Variants in CCDC15 observed in about 807,000 individuals in gnomAD.
The protein encoded by CCDC15 is coiled-coil domain-containing protein 15.
A neutral mutation model predicts 114.5 loss-of-function variants in CCDC15; 105 were observed. That is an observed-to-expected ratio of 0.92 (90% CI 0.78 to 1.08). The LOEUF is 1.08. CCDC15 is among the 50% of genes least tolerant of loss of function. CCDC15 has a pLI of 0.00. For missense variants in CCDC15, 1,105 were observed against 1,093.6 expected, an observed-to-expected ratio of 1.01 and a Z score of -0.15; for synonymous variants, 334 against 377.8, an observed-to-expected ratio of 0.88 and a Z score of 1.34.
intron 13 of CCDC15, among the ~76,000 whole-genome samples, chr11:125,018,934 C>T (rs1948645256): frequency 6.6e-6 from 1 of 151,762 alleles, no homozygotes; most frequent in Non-Finnish European, 1.5e-5. Context: ...GACAGGAATT[C>T]CAGGCAAAAG....
chr11:124,997,998 A>G (rs1255491017), intron 11 of CCDC15, among the ~76,000 whole-genome samples: 1 of 152,194 alleles, frequency 6.6e-6, no homozygotes, highest in South Asian at 2.1e-4. Context: ...AATGAGGAAC[A>G]TGGAAACTGG....
chr11:125,025,104 A>G lies in CCDC15; in HGVS notation c.2412-13327A>G, dbSNP rs1004376188. On this transcript the variant is annotated intron_variant, in intron 13 of 15. Transcript: ENST00000344762. ...TATATGAATATATATATGAATATAT[A>G]TGAATATATGTGAGTATATATATGA... Among the ~76,000 whole-genome samples, 16 of 133,882 alleles carry G rather than the reference A, an allele frequency of 1.2e-4. No individual in the cohort carries two copies. In the South Asian group the frequency reaches 3.7e-3, roughly 31 times the overall value. The allele number at this position is 133,882 out of a possible 152,430, so 87.8% of individuals were successfully genotyped here. A position where few individuals can be genotyped will look rare whatever the true frequency, so the allele number is the denominator to read the frequency against.
At chr11:125,015,611 G>A (rs1192858150) in intron 13 of CCDC15, among the ~76,000 whole-genome samples, 2 of 152,206 alleles carry the variant, frequency 1.3e-5, no homozygotes, top group East Asian at 3.9e-4. Flanking sequence ...GAAAAATCCA[G>A]GTTCAGATTC....
At chr11:124,966,457 C>A (rs950157079) in intron 4 of CCDC15, among the ~76,000 whole-genome samples, 7 of 147,854 alleles carry the variant, frequency 4.7e-5, no homozygotes, top group Admixed American at 4.7e-4. Flanking sequence ...AGGATTGCAA[C>A]CCCTGCTTTT....
chr11:124,993,155 T>C lies in CCDC15; in HGVS notation c.2140-14T>C, dbSNP rs1288089506. On this transcript the variant is annotated splice_polypyrimidine_tract_variant and intron_variant, in intron 10 of 15. Transcript: ENST00000344762. ...TGCTTAGACAATCAGTTTTGTATTTTGTTGTTCCTTTAGAACAAGCATATC... is the reference window on the plus strand; with the variant it reads ...TGCTTAGACAATCAGTTTTGTATTTCGTTGTTCCTTTAGAACAAGCATATC... The C allele has an allele frequency of 6.4e-7, 1 of 1,552,680 alleles. No homozygotes were observed.
chr11:124,977,382 A>G, intron 5 of CCDC15, 96 bp from the exon 6 acceptor site: 2 of 1,193,048 alleles, frequency 1.7e-6, no homozygotes, highest in Non-Finnish European at 2.3e-6. Flanking sequence ...AAAACCTACT[A>G]AGATAATTTT....
chr11:125,023,843 A>C (rs1297584166), intron 13 of CCDC15, among the ~76,000 whole-genome samples: 1 of 152,044 alleles, frequency 6.6e-6, no homozygotes, highest in Admixed American at 6.6e-5. Flanking sequence ...ATAGACTTTG[A>C]AACTCTTCTG....
At chr11:125,025,097 A>AATATATATATGAATATATATATGAAT (rs199920199) in intron 13 of CCDC15, among the ~76,000 whole-genome samples, 2 of 124,378 alleles carry the variant, frequency 1.6e-5, no homozygotes, top group African/African-American at 7.0e-5. Context: ...TATATATATG[A>AATATATATATGAATATATATATGAAT]ATATATATGA....
At position 125,003,909 on chromosome 11, in the gene CCDC15, G is replaced by A. The variant is rs1282301319; in HGVS notation, c.2257G>A (p.Ala753Thr). 4 of 1,567,050 alleles carry A rather than the reference G, an allele frequency of 2.6e-6. No homozygotes were observed. In the African/African-American group the frequency reaches 5.6e-5, roughly 22 times the overall value. The change falls in exon 12 of 16, where the codon GCT (alanine) becomes ACT (threonine). Residue 753 changes from alanine (A) to threonine (T), a missense_variant. Transcript: ENST00000344762. The stretch of plus-strand genomic sequence containing the variant: ...ATCAGGATTGAGCACTGAATTCCAA[G>A]CTCCACTGGCATTTCAGTCTGACGT... ...YQSGLSTEFQ[A>T]PLAFQSDVDK...
intron 6 of CCDC15, among the ~76,000 whole-genome samples, chr11:124,979,473 A>C (rs1948029472): frequency 1.3e-5 from 2 of 151,976 alleles, no homozygotes; most frequent in African/African-American, 4.8e-5. Context: ...ATTGTTTTTT[A>C]ATTCTTATTG....
At chr11:124,997,416 A>G (rs1022016400) in intron 11 of CCDC15, among the ~76,000 whole-genome samples, 1 of 152,088 alleles carries the variant, frequency 6.6e-6, no homozygotes, top group Non-Finnish European at 1.5e-5. Flanking sequence ...CAGCCTCCTA[A>G]GTAGCTAGGA....
Position 125,039,022 on chromosome 11 carries a change from A to G in CCDC15, c.2687A>G (p.His896Arg). ...TGTGGTCCTGATTTTTGGGATGCTC[A>G]TCCTGATACCTGTGCCAACAACTGT... ...CCCGPDFWDA[H>R]PDTCANNCIF... Residue 896 changes from histidine to arginine, a missense_variant, in exon 15 of 16, where the codon CAT becomes CGT. Physicochemically the swap from His to Arg is conservative, Grantham distance 29 (BLOSUM62 0). Coordinates refer to ENST00000344762, the MANE Select transcript of CCDC15 (RefSeq NM_025004.3). 1 of 1,610,860 alleles carries G rather than the reference A, an allele frequency of 6.2e-7. No homozygotes were observed. Among genetic ancestry groups the G allele is most frequent in the South Asian group, 1.1e-5 (1 of 90,698 alleles).
intron 15 of CCDC15, 61 bp from the exon 16 acceptor site, chr11:125,040,529 A>G: frequency 6.6e-7 from 1 of 1,504,344 alleles, no homozygotes; most frequent in Non-Finnish European, 9.0e-7. Context: ...AATAAGATAG[A>G]GGCTGGTAGA....
intron 4 of CCDC15, among the ~76,000 whole-genome samples, chr11:124,968,226 G>C (rs1947817572): frequency 6.6e-6 from 1 of 152,218 alleles, no homozygotes; most frequent in Non-Finnish European, 1.5e-5. Flanking sequence ...AGAAGTTTCT[G>C]CTGCCTTTTG....
At chr11:125,012,391 A>G (rs1191852976) in intron 13 of CCDC15, among the ~76,000 whole-genome samples, 3 of 152,236 alleles carry the variant, frequency 2.0e-5, no homozygotes, top group African/African-American at 7.2e-5. Context: ...CTTCCATATC[A>G]TAGGCACTGT....
Position 125,005,251 on chromosome 11 carries a change from A to G in CCDC15, c.2411+39A>G, listed in dbSNP as rs964463049. 5.5e-6 allele frequency: 5 copies of G among 911,460 alleles called. No individual in the cohort carries two copies. The African/African-American group carries it at 8.5e-5, about 16-fold the overall frequency. The allele number at this position is 911,460 out of a possible 1,614,324, so 56.5% of individuals were successfully genotyped here. On this transcript the variant is annotated intron_variant, in intron 13 of 15. Coordinates refer to ENST00000344762, the MANE Select transcript of CCDC15 (RefSeq NM_025004.3). ...TCTGCTCTGTGAGCCTTAAATTGCC[A>G]ATTAAGATGTTTTTGGAAGATGAAC... is the stretch of plus-strand genomic sequence containing the variant.
At chr11:125,017,836 T>C (rs1271447451) in intron 13 of CCDC15, among the ~76,000 whole-genome samples, 2 of 151,946 alleles carry the variant, frequency 1.3e-5, no homozygotes, top group East Asian at 3.9e-4. Flanking sequence ...TTTAACAAAA[T>C]AGTTTAAAAA....
intron 8 of CCDC15, 85 bp downstream of exon 8, chr11:124,988,219 C>A (rs1948209903): frequency 7.4e-7 from 1 of 1,350,120 alleles, no homozygotes; most frequent in African/African-American, 1.5e-5. Context: ...TGCAAGTATA[C>A]CTTGGAGATA....
At chr11:125,017,070 C>T (rs1948633733) in intron 13 of CCDC15, among the ~76,000 whole-genome samples, 1 of 152,120 alleles carries the variant, frequency 6.6e-6, no homozygotes, top group African/African-American at 2.4e-5. Context: ...ATGGAAGTCA[C>T]ATGATTTAAC....
Sources: gnomAD v4.1 joint callset for allele counts (sites outside exome capture counted in the v4.1 genomes callset) on GRCh38, gnomAD v4.1.1 for gene constraint, MANE v1.5 for transcripts, NCBI Gene and HGNC (gene_info 2026-07-23, HGNC 2026-07-21) for gene names.